Variants in ANKS1B observed in about 807,000 individuals in gnomAD.
ANKS1B encodes ankyrin repeat and sterile alpha motif domain containing 1B.
A neutral mutation model predicts 148.3 loss-of-function variants in ANKS1B; 36 were observed. The ratio of observed to expected loss-of-function variants is 0.24; its 90% CI spans 0.19 to 0.32. ANKS1B has a LOEUF of 0.32. ANKS1B is among the 10% of genes least tolerant of loss of function. ANKS1B has a pLI of 1.00. For synonymous variants in ANKS1B, 542 were observed against 560.8 expected (o/e 0.97, Z 0.47); for missense variants, 1,157 against 1,542.6 (o/e 0.75, Z 4.19).
chr12:98,983,388 C>A (rs764420925), intron 17 of ANKS1B, among the ~76,000 whole-genome samples: 6 of 152,122 alleles, frequency 3.9e-5, no homozygotes, highest in Non-Finnish European at 8.8e-5. Context: ...AATGGAGACC[C>A]TCCTTTGCAT....
chr12:99,138,705 G>A (rs1426677771), intron 15 of ANKS1B, among the ~76,000 whole-genome samples: 3 of 152,124 alleles, frequency 2.0e-5, no homozygotes, highest in Non-Finnish European at 4.4e-5. Context: ...CAATAGATCC[G>A]TAGCTCTTTT....
In ANKS1B at chr12:99,154,415, G is replaced by A. The variant is rs2075705913; in HGVS notation, c.2420-20C>T. ...TGGGTCCTGTAAGAGGATGAAGAGG[G>A]AAGCGTTTAAGCAGGGAGTAGCCGT... On this transcript the variant is annotated intron_variant, in intron 14 of 26. Transcript: ENST00000683438. 4 of 1,613,758 alleles carry A rather than the reference G, an allele frequency of 2.5e-6. No individual in the cohort carries two copies. The highest frequency in any genetic ancestry group is 3.4e-6 in the Non-Finnish European group (4 of 1,179,748).
At chr12:99,160,834 T>C (rs1228400504) in intron 14 of ANKS1B, among the ~76,000 whole-genome samples, 3 of 152,174 alleles carry the variant, frequency 2.0e-5, no homozygotes, top group Non-Finnish European at 4.4e-5. Context: ...ATTTGTCAAA[T>C]ATCAGGTGGC....
intron 9 of ANKS1B, among the ~76,000 whole-genome samples, chr12:99,607,428 G>C (rs1293011452): frequency 6.7e-6 from 1 of 150,072 alleles, no homozygotes; most frequent in African/African-American, 2.5e-5. Flanking sequence ...CATATTTACT[G>C]TGCATTCTAC....
intron 25 of ANKS1B, among the ~76,000 whole-genome samples, chr12:98,764,320 G>C (rs1355291824): frequency 1.3e-5 from 2 of 152,174 alleles, no homozygotes; most frequent in Non-Finnish European, 2.9e-5. Context: ...TTCGCCTCCT[G>C]GGTTCAAGCA....
rs79474217 is a variant in ANKS1B, at chr12:99,093,970, T to C, written c.2527-8947A>G. On this transcript the variant is annotated intron_variant, in intron 15 of 26. Coordinates refer to ENST00000683438, the MANE Select transcript of ANKS1B (RefSeq NM_001352186.2). ...ATTCAAATTTAAGTGGCATCATGTATTTTTATTCACTTAATCTGGCTGCCT... is the reference window on the plus strand; with the variant it reads ...ATTCAAATTTAAGTGGCATCATGTACTTTTATTCACTTAATCTGGCTGCCT... Among the ~76,000 whole-genome samples, 613 of 152,332 alleles carry C rather than the reference T, an allele frequency of 4.0e-3. 24 individuals carry two copies. In the East Asian group the frequency reaches 0.084, roughly 21 times the overall value.
chr12:99,103,831 A>G (rs977204756), intron 15 of ANKS1B, among the ~76,000 whole-genome samples: 3 of 152,252 alleles, frequency 2.0e-5, no homozygotes, highest in African/African-American at 7.2e-5. Context: ...GGAGTTAGCT[A>G]GCTAGATAGA....
At chr12:99,632,332 G>C (rs989603707) in intron 9 of ANKS1B, among the ~76,000 whole-genome samples, 1 of 152,074 alleles carries the variant, frequency 6.6e-6, no homozygotes, top group African/African-American at 2.4e-5. Flanking sequence ...GCACAGACTT[G>C]TTACAGGAAA....
chr12:99,035,652 A>G (rs2099955060), intron 17 of ANKS1B, among the ~76,000 whole-genome samples: 1 of 152,120 alleles, frequency 6.6e-6, no homozygotes, highest in Non-Finnish European at 1.5e-5. Flanking sequence ...TTAGAGGGCC[A>G]AGGGCAACTT....
At chr12:99,206,361 T>C (rs1056534305) in intron 14 of ANKS1B, among the ~76,000 whole-genome samples, 2 of 152,132 alleles carry the variant, frequency 1.3e-5, no homozygotes, top group African/African-American at 4.8e-5. Context: ...AGAATGACAA[T>C]GGCCATTATA....
At chr12:99,414,026 C>T (rs967762930) in intron 11 of ANKS1B, among the ~76,000 whole-genome samples, 1 of 152,164 alleles carries the variant, frequency 6.6e-6, no homozygotes. Context: ...TGCTCTCAAG[C>T]CCAGGGCTTT....
At chr12:98,774,747 T>G (rs1391505540) in intron 24 of ANKS1B, among the ~76,000 whole-genome samples, 1 of 152,214 alleles carries the variant, frequency 6.6e-6, no homozygotes, top group Non-Finnish European at 1.5e-5. Context: ...AAGTACTTCA[T>G]GTCCCTCACT....
chr12:99,915,225 C>A (rs375318034), intron 1 of ANKS1B, among the ~76,000 whole-genome samples: 111 of 101,492 alleles, frequency 1.1e-3, no homozygotes, highest in South Asian at 3.0e-3. Context: ...AAAGCTGTCT[C>A]AAAAAAAAAA....
chr12:99,842,951 T>G (rs140837373), intron 1 of ANKS1B, among the ~76,000 whole-genome samples: 2 of 152,312 alleles, frequency 1.3e-5, no homozygotes, highest in Admixed American at 1.3e-4. Context: ...TTTTTGGAAA[T>G]GTTACCATAC....
chr12:98,757,518 T>A (rs974510334), intron 25 of ANKS1B, among the ~76,000 whole-genome samples: 2 of 152,234 alleles, frequency 1.3e-5, no homozygotes, highest in Non-Finnish European at 2.9e-5. Flanking sequence ...CTGTGATGAA[T>A]GCTGCTTAGC....
Position 98,930,374 on chromosome 12 carries a change from C to T in ANKS1B, c.2779-98238G>A, listed in dbSNP as rs547601674. 6.6e-5 allele frequency among the ~76,000 whole-genome samples: 10 copies of T among 152,266 alleles called. No individual in the cohort carries two copies. The East Asian group carries it at 1.9e-3, about 29-fold the overall frequency. ...GAAGCCACTTTGGAAAACAGTTCAG[C>T]AGTTCCTCAGAAAGTTAAATTTAGA... is the stretch of plus-strand genomic sequence containing the variant. On this transcript the variant is annotated intron_variant, in intron 17 of 26. Coordinates refer to ENST00000683438, the MANE Select transcript of ANKS1B (RefSeq NM_001352186.2).
At chr12:99,002,698 G>T (rs1357273807) in intron 17 of ANKS1B, among the ~76,000 whole-genome samples, 1 of 152,054 alleles carries the variant, frequency 6.6e-6, no homozygotes, top group Middle Eastern at 3.2e-3. Context: ...TAGTATTTTT[G>T]CTCTTGAGTT....
intron 1 of ANKS1B, among the ~76,000 whole-genome samples, chr12:99,842,377 G>C (rs1173146366): frequency 3.9e-5 from 6 of 152,030 alleles, no homozygotes; most frequent in African/African-American, 1.4e-4. Context: ...TGTTACATGT[G>C]ACAAAAGTTC....
intron 11 of ANKS1B, among the ~76,000 whole-genome samples, chr12:99,423,311 T>C (rs1335777022): frequency 6.6e-6 from 1 of 152,294 alleles, no homozygotes; most frequent in East Asian, 1.9e-4. Context: ...TCAGAATGAC[T>C]AATATTACAA....
Sources: gnomAD v4.1 joint callset for allele counts (sites outside exome capture counted in the v4.1 genomes callset) on GRCh38, gnomAD v4.1.1 for gene constraint, MANE v1.5 for transcripts, NCBI Gene and HGNC (gene_info 2026-07-23, HGNC 2026-07-21) for gene names.